Variants in OR1B1 observed in about 807,000 individuals in gnomAD.
OR1B1 encodes the protein olfactory receptor family 1 subfamily B member 1.
For synonymous variants in OR1B1, 168 were observed against 156.2 expected (o/e 1.08, Z -0.57); for missense variants, 414 against 402.1 (o/e 1.03, Z -0.25).
At chr9:122,628,174 C>T (rs1034452576), downstream of OR1B1, among the ~76,000 whole-genome samples, 7 of 152,078 alleles carry the variant, frequency 4.6e-5, no homozygotes, top group Non-Finnish European at 1.0e-4. Flanking sequence ...TTCTGATATA[C>T]ACAAACACAC....
At chr9:122,651,420 C>A in the OR1B1 span, among the ~76,000 whole-genome samples, 1 of 152,138 alleles carries the variant, frequency 6.6e-6, no homozygotes, top group Admixed American at 6.5e-5. Context: ...CTTATTCTTC[C>A]TATATAGCTG....
the OR1B1 span, among the ~76,000 whole-genome samples, chr9:122,635,391 A>G: frequency 6.6e-6 from 1 of 152,190 alleles, no homozygotes; most frequent in Admixed American, 6.5e-5. Flanking sequence ...GAGTAGTTAG[A>G]GCTCAAAAGA....
At chr9:122,653,201 T>C in the OR1B1 span, among the ~76,000 whole-genome samples, 173 of 152,340 alleles carry the variant, frequency 1.1e-3, no homozygotes, top group Middle Eastern at 3.4e-3. Context: ...TAATGTAATA[T>C]GTATTATGTA....
At chr9:122,642,659 A>G in the OR1B1 span, among the ~76,000 whole-genome samples, 1 of 152,238 alleles carries the variant, frequency 6.6e-6, no homozygotes, top group African/African-American at 2.4e-5. Flanking sequence ...TGGGGTAGAG[A>G]AGACAAATCA....
chr9:122,629,377 C>G (rs920627231), exon 1 of OR1B1: 1 of 1,613,792 alleles, frequency 6.2e-7, no homozygotes, highest in African/African-American at 1.3e-5. Flanking sequence ...GTCTGGAGTC[C>G]CAGGAGATGA....
At chr9:122,648,330 C>G in the OR1B1 span, among the ~76,000 whole-genome samples, 1 of 152,130 alleles carries the variant, frequency 6.6e-6, no homozygotes, top group African/African-American at 2.4e-5. Flanking sequence ...TCAAAAGATG[C>G]AGAAAAAGCC....
chr9:122,633,655 C>G (rs994279069), upstream of OR1B1, among the ~76,000 whole-genome samples: 3 of 152,250 alleles, frequency 2.0e-5, no homozygotes, highest in Middle Eastern at 6.8e-3. Context: ...AGAGGCCAGG[C>G]ATGGTGGCTC....
the OR1B1 span, among the ~76,000 whole-genome samples, chr9:122,643,123 A>G: frequency 1.3e-5 from 2 of 151,128 alleles, no homozygotes; most frequent in Admixed American, 1.3e-4. Context: ...ACATCTGCAC[A>G]GAGAAAAGCA....
the OR1B1 span, among the ~76,000 whole-genome samples, chr9:122,638,923 G>T: frequency 8.4e-3 from 1,286 of 152,218 alleles, 20 homozygotes; most frequent in African/African-American, 0.03. Context: ...GGCTCATAAC[G>T]GACTATATTT....
In OR1B1 at chr9:122,628,704, T is replaced by C. The variant is rs1309439102; in HGVS notation, c.832A>G (p.Met278Val). ...GCAGTATACATTACTGAAGCCACCA[T>C]GTCCTGATACTGAGAGTTCTGGAAG... is the stretch of plus-strand genomic sequence containing the variant. Residue 278 changes from methionine to valine, a missense_variant, in exon 1 of 1, where the codon ATG becomes GTG. Met to Val is a conservative substitution (Grantham distance 21). Coordinates refer to ENST00000623530, the Ensembl canonical transcript of OR1B1. 15 of 1,613,790 alleles carry C rather than the reference T, an allele frequency of 9.3e-6. No homozygotes were observed. Among genetic ancestry groups the C allele is most frequent in the East Asian group, 2.2e-5 (1 of 44,888 alleles).
the OR1B1 span, among the ~76,000 whole-genome samples, chr9:122,650,104 A>G: frequency 0.017 from 2,535 of 152,310 alleles, 34 homozygotes; most frequent in Middle Eastern, 0.027. Context: ...TTGCAGGGAC[A>G]TGGATGAAGC....
chr9:122,646,066 T>C, the OR1B1 span, among the ~76,000 whole-genome samples: 1 of 152,120 alleles, frequency 6.6e-6, no homozygotes, highest in African/African-American at 2.4e-5. Context: ...AGTGTAGAGT[T>C]TTTATTCATT....
At chr9:122,636,441 C>G in the OR1B1 span, among the ~76,000 whole-genome samples, 2 of 152,138 alleles carry the variant, frequency 1.3e-5, no homozygotes, top group African/African-American at 4.8e-5. Flanking sequence ...ACGGTGAAAC[C>G]CAGTCTCTAC....
In OR1B1 at chr9:122,628,838, C is replaced by T. The variant is rs149332953; in HGVS notation, c.698G>A (p.Arg233His). ...GCGGCGACCAGCAGCTGAAGGCAAA[C>T]GTAGAATAGCGGCCCCAATTCGGAC... The change falls in exon 1 of 1, where the codon CGT becomes CAT. Residue 233 changes from arginine to histidine, a missense_variant. Transcript: ENST00000623530. 8.2e-4 allele frequency: 1,328 copies of T among 1,614,056 alleles called. 3 individuals carry two copies. The highest frequency in any genetic ancestry group is 1.6e-3 in the East Asian group (72 of 44,870).
At chr9:122,653,957 G>A in the OR1B1 span, among the ~76,000 whole-genome samples, 2 of 151,936 alleles carry the variant, frequency 1.3e-5, no homozygotes, top group Admixed American at 6.5e-5. Context: ...ATTTTCTCCA[G>A]TATTAAAAGG....
At chr9:122,650,922 G>A in the OR1B1 span, among the ~76,000 whole-genome samples, 13 of 152,054 alleles carry the variant, frequency 8.5e-5, no homozygotes, top group Non-Finnish European at 1.8e-4. Context: ...CTACTCGGGA[G>A]GCTGAGGCAG....
At chr9:122,628,748 C>A in exon 1 of OR1B1, 3 of 1,614,084 alleles carry the variant, frequency 1.9e-6, no homozygotes, top group Non-Finnish European at 2.5e-6. Flanking sequence ...GAAGTAGACA[C>A]AAATGATGGT....
chr9:122,647,958 C>A, the OR1B1 span, among the ~76,000 whole-genome samples: 2 of 152,148 alleles, frequency 1.3e-5, no homozygotes, highest in Non-Finnish European at 2.9e-5. Flanking sequence ...TGTGTGAAAT[C>A]AATCCATTTT....
chr9:122,654,902 T>C, the OR1B1 span, among the ~76,000 whole-genome samples: 2 of 152,242 alleles, frequency 1.3e-5, no homozygotes, highest in Non-Finnish European at 2.9e-5. Flanking sequence ...ATAATAATTA[T>C]GCATTGTATA....
Sources: gnomAD v4.1 joint callset for allele counts (sites outside exome capture counted in the v4.1 genomes callset) on GRCh38, gnomAD v4.1.1 for gene constraint, MANE v1.5 for transcripts, NCBI Gene and HGNC (gene_info 2026-07-23, HGNC 2026-07-21) for gene names.